The following PCDH15 variants were observed in gnomAD, a reference collection of about 807,000 sequenced individuals.
PCDH15 encodes the protein protocadherin related 15, also known as protocadherin-15.
PCDH15 carries 129 observed loss-of-function variants against 178.5 expected under a neutral mutation model. The observed-to-expected ratio is 0.72, with a 90% confidence interval of 0.63 to 0.84. PCDH15 has a LOEUF of 0.84. Among genes scored for constraint, PCDH15 ranks in the 40% least tolerant of loss-of-function variants. The pLI, the probability that PCDH15 is intolerant of heterozygous loss-of-function variation, is 0.00. For synonymous variants in PCDH15, 800 were observed against 732.0 expected, an observed-to-expected ratio of 1.09 and a Z score of -1.50; for missense variants, 2,230 against 2,099.9, an observed-to-expected ratio of 1.06 and a Z score of -1.21.
intron 1 of PCDH15, among the ~76,000 whole-genome samples, chr10:55,209,109 G>A (rs1015750630): frequency 6.6e-5 from 10 of 152,030 alleles, no homozygotes; most frequent in South Asian, 2.1e-4. Flanking sequence ...AAAGAAAAGC[G>A]TCAAGTGAGA....
chr10:54,219,098 A>C lies in PCDH15; in HGVS notation c.986-5050T>G, dbSNP rs564003563. Among the ~76,000 whole-genome samples the C allele has an allele frequency of 1.1e-3, 157 of 140,890 alleles. 1 individual carries two copies. Among genetic ancestry groups the C allele is most frequent in the African/African-American group, 3.5e-3 (127 of 36,242 alleles). 92.4% of individuals were successfully genotyped at this position (140,890 alleles called of 152,430 possible). ...GAAACCCTGTCTCTACTAAAAAAAA[A>C]AAAAAAAAACAAAAAAAAAACAAAA... On this transcript the variant is annotated intron_variant, in intron 9 of 37. Transcript: ENST00000644397.
chr10:54,480,807 ATAT>A (rs1298602545), intron 3 of PCDH15, among the ~76,000 whole-genome samples: 2 of 152,018 alleles, frequency 1.3e-5, no homozygotes, highest in Non-Finnish European at 2.9e-5. Context: ...AATGGAATAA[ATAT>A]TATTATTCTG....
chr10:54,560,146 G>A (rs2087908789), intron 2 of PCDH15, among the ~76,000 whole-genome samples: 1 of 151,976 alleles, frequency 6.6e-6, no homozygotes, highest in South Asian at 2.1e-4. Flanking sequence ...CCTTCTCTAG[G>A]CTTCTGCTTT....
At chr10:54,948,592 T>A (rs555108978) in intron 2 of PCDH15, among the ~76,000 whole-genome samples, 1 of 151,868 alleles carries the variant, frequency 6.6e-6, no homozygotes, top group South Asian at 2.1e-4. Flanking sequence ...CTGTTGAGGA[T>A]CCCAAAAAAC....
chr10:55,197,894 G>A (rs1206615596), intron 1 of PCDH15, among the ~76,000 whole-genome samples: 1 of 151,988 alleles, frequency 6.6e-6, no homozygotes, highest in African/African-American at 2.4e-5. Flanking sequence ...TAAAATGGAT[G>A]GATATAAAGA....
intron 2 of PCDH15, among the ~76,000 whole-genome samples, chr10:55,417,125 A>C (rs1838502022): frequency 1.3e-5 from 2 of 151,832 alleles, no homozygotes; most frequent in African/African-American, 4.8e-5. Context: ...TGGAAATTGT[A>C]TCATATTCAA....
chr10:54,248,074 T>A (rs1052476387), intron 8 of PCDH15, among the ~76,000 whole-genome samples: 1 of 151,352 alleles, frequency 6.6e-6, no homozygotes, highest in African/African-American at 2.4e-5. Flanking sequence ...TGACTCCAAG[T>A]TATAAGCTAG....
At chr10:54,774,176 C>T (rs1032741526) in intron 1 of PCDH15, among the ~76,000 whole-genome samples, 1 of 151,812 alleles carries the variant, frequency 6.6e-6, no homozygotes, top group Non-Finnish European at 1.5e-5. Context: ...CCACAGGCGC[C>T]TGCCACCACA....
chr10:55,383,751 A>G (rs975292014), intron 2 of PCDH15, among the ~76,000 whole-genome samples: 27 of 152,122 alleles, frequency 1.8e-4, no homozygotes, highest in African/African-American at 3.4e-4. Context: ...TTCTTTAAAC[A>G]TAACTGACTG....
chr10:55,151,546 C>T (rs1444665), intron 2 of PCDH15, among the ~76,000 whole-genome samples: 137,198 of 152,056 alleles, frequency 0.9, 62,557 homozygotes, highest in Non-Finnish European at 0.97. Flanking sequence ...AGCAATTTAA[C>T]AGACAGGCAA....
chr10:54,444,663 A>G (rs114439215), intron 3 of PCDH15, among the ~76,000 whole-genome samples: 2,942 of 151,748 alleles, frequency 0.019, 104 homozygotes, highest in African/African-American at 0.065. Context: ...ATCATTACAC[A>G]TTTATCCATT....
At chr10:54,412,127 T>C (rs1953621366) in intron 3 of PCDH15, among the ~76,000 whole-genome samples, 1 of 151,744 alleles carries the variant, frequency 6.6e-6, no homozygotes, top group Admixed American at 6.6e-5. Context: ...TGACAATAGA[T>C]GGAGGAACTG....
chr10:55,146,165 C>T lies in PCDH15; in HGVS notation c.-80+20411G>A, dbSNP rs570737022. On this transcript the variant is annotated intron_variant, in intron 2 of 5. Coordinates refer to the PCDH15 transcript ENST00000458638. ...ATTAACATAATCTTGGTTTTGTTCA[C>T]GGCAGCAATCCTCGTGGTTAACAGC... Among the ~76,000 whole-genome samples the T allele has an allele frequency of 5.9e-4, 89 of 152,078 alleles. No individual in the cohort carries two copies. The South Asian group carries it at 7.5e-3, about 13-fold the overall frequency.
intron 3 of PCDH15, among the ~76,000 whole-genome samples, chr10:54,509,396 C>CT (rs929368467): frequency 6.6e-6 from 1 of 152,056 alleles, no homozygotes; most frequent in Non-Finnish European, 1.5e-5. Flanking sequence ...GAAAGATGTG[C>CT]TTTTTGTCTT....
At position 54,696,548 on chromosome 10, in the gene PCDH15, G is replaced by A. The variant is rs2095227536; in HGVS notation, c.-28-32258C>T. 1.3e-5 allele frequency among the ~76,000 whole-genome samples: 2 copies of A among 152,028 alleles called. 1 individual carries two copies. Among genetic ancestry groups the A allele is most frequent in the South Asian group, 4.1e-4 (2 of 4,826 alleles). On this transcript the variant is annotated intron_variant, in intron 1 of 37. Coordinates refer to ENST00000644397, the MANE Select transcript of PCDH15 (RefSeq NM_001384140.1). The stretch of plus-strand genomic sequence containing the variant: ...CCCATTTTGAAAACATTTCTACTGA[G>A]GGTTAAATGCTATCAAACAGCACTG...
chr10:54,132,761 G>A (rs532165997), intron 15 of PCDH15, 114 bp downstream of exon 15: 2 of 1,500,790 alleles, frequency 1.3e-6, no homozygotes, highest in African/African-American at 1.4e-5. Flanking sequence ...TCACTAGAGT[G>A]GAGGCAAGCA....
chr10:54,168,131 G>A (rs1400993252), intron 13 of PCDH15, among the ~76,000 whole-genome samples: 20 of 151,616 alleles, frequency 1.3e-4, no homozygotes, highest in Non-Finnish European at 2.5e-4. Context: ...CTGCAATGCC[G>A]CTTGACCCCA....
At chr10:54,244,794 G>T (rs141610077) in intron 8 of PCDH15, among the ~76,000 whole-genome samples, 21 of 152,174 alleles carry the variant, frequency 1.4e-4, no homozygotes, top group African/African-American at 4.6e-4. Context: ...TCCTCCAAAC[G>T]ATTTTGACAA....
At chr10:54,089,769 G>C (rs1205971520) in intron 16 of PCDH15, among the ~76,000 whole-genome samples, 1 of 152,068 alleles carries the variant, frequency 6.6e-6, no homozygotes, top group Admixed American at 6.6e-5. Flanking sequence ...TTCCACCTCA[G>C]TAGATTTTAC....
Sources: allele counts gnomAD v4.1 joint callset (sites outside exome capture counted in the v4.1 genomes callset), GRCh38; gene constraint gnomAD v4.1.1; transcripts MANE v1.5; gene names NCBI Gene and HGNC (gene_info 2026-07-23, HGNC 2026-07-21).